Variants in PAMR1 observed in about 807,000 individuals in gnomAD.
PAMR1 encodes inactive serine protease PAMR1.
In PAMR1, 88 loss-of-function variants were observed where a neutral mutation model predicts 81.8. The observed-to-expected ratio is 1.08, with a 90% CI of 0.91 to 1.28. The LOEUF is 1.28. Ranked by LOEUF, PAMR1 falls within the 50% of genes most tolerant of loss-of-function variation. The pLI is 0.00. For missense variants in PAMR1, 935 were observed against 919.7 expected, an observed-to-expected ratio of 1.02 and a Z score of -0.21; for synonymous variants, 336 against 345.3, an observed-to-expected ratio of 0.97 and a Z score of 0.30.
chr11:35,457,161 A>C (rs1856552300), intron 6 of PAMR1, among the ~76,000 whole-genome samples: 1 of 152,172 alleles, frequency 6.6e-6, no homozygotes, highest in Non-Finnish European at 1.5e-5. Context: ...TGTTTCTGGA[A>C]GAGATTGGTG....
intron 10 of PAMR1, among the ~76,000 whole-genome samples, chr11:35,433,757 T>TGGATAGAC (rs1458198626): frequency 6.7e-6 from 1 of 148,312 alleles, no homozygotes; most frequent in Non-Finnish European, 1.5e-5. Flanking sequence ...GATGGATGGA[T>TGGATAGAC]GGATGGATGG....
chr11:35,491,080 C>T (rs1850615753), intron 3 of PAMR1, among the ~76,000 whole-genome samples: 1 of 152,112 alleles, frequency 6.6e-6, no homozygotes, highest in South Asian at 2.1e-4. Flanking sequence ...AAAATGGCAT[C>T]GAAGTTTTAA....
At position 35,525,606 on chromosome 11, in the gene PAMR1, G is replaced by A. The variant is rs758843858; in HGVS notation, c.-21C>T. ...TCCATCCTTGCCGCGGCTGGTGCCC[G>A]AGCGTCTACTGGGGAGGGAGAGGAG... On this transcript the variant is annotated 5_prime_UTR_variant, in exon 1 of 11. Coordinates refer to ENST00000619888, the MANE Select transcript of PAMR1 (RefSeq NM_001001991.3). 1.9e-5 allele frequency: 31 copies of A among 1,611,670 alleles called. No individual in the cohort carries two copies. The highest frequency in any genetic ancestry group is 2.5e-5 in the Non-Finnish European group (30 of 1,178,574).
Position 35,435,909 on chromosome 11 carries a change from T to G in PAMR1, c.1327A>C (p.Ile443Leu), listed in dbSNP as rs767923770. ...AGAATGAGCCTTGACTCACTAGGGA[T>G]GCAGGATGGTGCCCGCCCACTCCAC... ...GKWSGRAPSC[I>L]PICGKIENIT... The change falls in exon 9 of 11, where the codon ATC (isoleucine) becomes CTC (leucine). Residue 443 changes from isoleucine to leucine, a missense_variant. By Grantham distance (5) the Ile-to-Leu change is conservative. Coordinates refer to ENST00000619888, the MANE Select transcript of PAMR1 (RefSeq NM_001001991.3). 2 of 1,611,630 alleles carry G rather than the reference T, an allele frequency of 1.2e-6. No homozygotes were observed. Among genetic ancestry groups the G allele is most frequent in the East Asian group, 2.2e-5 (1 of 44,846 alleles).
At chr11:35,509,000 C>G (rs1351684541) in intron 1 of PAMR1, among the ~76,000 whole-genome samples, 1 of 152,120 alleles carries the variant, frequency 6.6e-6, no homozygotes. Flanking sequence ...ATAGTGCCCT[C>G]TATTAAAAAA....
At chr11:35,489,094 C>T (rs1250839322) in intron 3 of PAMR1, among the ~76,000 whole-genome samples, 1 of 152,068 alleles carries the variant, frequency 6.6e-6, no homozygotes, top group Non-Finnish European at 1.5e-5. Context: ...GTTGCTATTT[C>T]CTCTGCCCAT....
chr11:35,461,763 G>T (rs1481426750), intron 6 of PAMR1, among the ~76,000 whole-genome samples: 1 of 152,126 alleles, frequency 6.6e-6, no homozygotes, highest in Non-Finnish European at 1.5e-5. Flanking sequence ...GGACATTACA[G>T]ATTCATTTCA....
chr11:35,502,381 AT>A (rs1180376972), intron 1 of PAMR1, among the ~76,000 whole-genome samples: 12 of 152,100 alleles, frequency 7.9e-5, no homozygotes, highest in African/African-American at 2.9e-4. Flanking sequence ...CCTGGCATGC[AT>A]TAGCTCTTTT....
rs149268745 is a variant in PAMR1, at chr11:35,522,876, G to A, written c.73+2637C>T. Among the ~76,000 whole-genome samples, 179 of 152,278 alleles carry A rather than the reference G, an allele frequency of 1.2e-3. 1 individual carries two copies. The highest frequency in any genetic ancestry group is 3.8e-3 in the African/African-American group (159 of 41,564). On this transcript the variant is annotated intron_variant, in intron 1 of 10. Coordinates refer to ENST00000619888, the MANE Select transcript of PAMR1 (RefSeq NM_001001991.3). Reference sequence around the variant, plus strand: ...TGGTCTGAGAATTAATGCATATGAAGCCTTTGGCTCAAAGACTGGACACAT... The same window carrying A: ...TGGTCTGAGAATTAATGCATATGAAACCTTTGGCTCAAAGACTGGACACAT...
intron 6 of PAMR1, among the ~76,000 whole-genome samples, chr11:35,442,967 A>G (rs1856208307): frequency 6.6e-6 from 1 of 152,110 alleles, no homozygotes; most frequent in Admixed American, 6.5e-5. Flanking sequence ...GTACATGTGC[A>G]GAATTATTAC....
intron 3 of PAMR1, among the ~76,000 whole-genome samples, chr11:35,478,475 A>G (rs1325530040): frequency 6.6e-6 from 1 of 152,194 alleles, no homozygotes; most frequent in African/African-American, 2.4e-5. Flanking sequence ...CAACTTCCAA[A>G]CAACCAGAGA....
chr11:35,468,669 T>C (rs1168239933), intron 5 of PAMR1, among the ~76,000 whole-genome samples: 2 of 152,094 alleles, frequency 1.3e-5, no homozygotes, highest in African/African-American at 2.4e-5. Context: ...CATTCAATGC[T>C]AATTAACCAG....
At chr11:35,459,054 A>G (rs753400045) in intron 6 of PAMR1, among the ~76,000 whole-genome samples, 15 of 152,174 alleles carry the variant, frequency 9.9e-5, no homozygotes, top group Admixed American at 7.2e-4. Context: ...GGGGGTGTGA[A>G]TGAGAAATTC....
At chr11:35,478,152 G>A (rs1237820116) in intron 3 of PAMR1, among the ~76,000 whole-genome samples, 2 of 152,174 alleles carry the variant, frequency 1.3e-5, no homozygotes, top group African/African-American at 4.8e-5. Context: ...GCTGGAAGCA[G>A]CCAGCTGTGC....
chr11:35,501,230 A>T (rs977037644), intron 1 of PAMR1, among the ~76,000 whole-genome samples: 2 of 150,910 alleles, frequency 1.3e-5, no homozygotes, highest in African/African-American at 2.4e-5. Flanking sequence ...TCCCAAACTC[A>T]AGTGATCCTC....
intron 6 of PAMR1, among the ~76,000 whole-genome samples, chr11:35,452,395 TAA>T (rs1856437554): frequency 6.6e-6 from 1 of 152,086 alleles, no homozygotes; most frequent in Non-Finnish European, 1.5e-5. Flanking sequence ...AAAATAAATG[TAA>T]TTGGCATCCA....
chr11:35,488,258 T>A (rs1376082679), intron 3 of PAMR1, among the ~76,000 whole-genome samples: 1 of 147,402 alleles, frequency 6.8e-6, no homozygotes, highest in Non-Finnish European at 1.5e-5. Context: ...CTCTGTTGTT[T>A]AGGCTGGAAT....
chr11:35,512,997 T>A (rs1456156791), intron 1 of PAMR1, among the ~76,000 whole-genome samples: 3 of 152,076 alleles, frequency 2.0e-5, no homozygotes, highest in East Asian at 1.9e-4. Context: ...TCTAAAAAAA[T>A]AAATAAATAA....
intron 1 of PAMR1, among the ~76,000 whole-genome samples, chr11:35,499,943 CAG>C (rs1361662198): frequency 6.6e-6 from 1 of 152,168 alleles, no homozygotes; most frequent in Non-Finnish European, 1.5e-5. Context: ...GCAGGATGGT[CAG>C]AGTCAGAAAG....
Sources: allele counts gnomAD v4.1 joint callset (sites outside exome capture counted in the v4.1 genomes callset), GRCh38; gene constraint gnomAD v4.1.1; transcripts MANE v1.5; gene names NCBI Gene and HGNC (gene_info 2026-07-23, HGNC 2026-07-21).